The following KIF1B variants were observed in gnomAD, a reference collection of about 807,000 sequenced individuals.
KIF1B encodes kinesin family member 1B, also known as kinesin-like protein KIF1B.
KIF1B carries 76 observed loss-of-function variants against 241.9 expected under a neutral mutation model. The observed-to-expected ratio is 0.31, with a 90% CI of 0.26 to 0.38. KIF1B has a LOEUF of 0.38. Among genes scored for constraint, KIF1B ranks in the 10% least tolerant of loss-of-function variants. The pLI is 1.00. For synonymous variants in KIF1B, 750 were observed against 796.7 expected, an observed-to-expected ratio of 0.94 and a Z score of 0.99; for missense variants, 1,622 against 2,271.4, an observed-to-expected ratio of 0.71 and a Z score of 5.81.
chr1:10,351,073 C>CCA (rs1553169323), intron 37 of KIF1B, among the ~76,000 whole-genome samples: 102 of 104,646 alleles, frequency 9.7e-4, no homozygotes, highest in African/African-American at 3.3e-3. Context: ...AAGACCCTGT[C>CCA]AAAAAAAAAA....
At chr1:10,219,441 C>T (rs1646811181) in intron 1 of KIF1B, among the ~76,000 whole-genome samples, 1 of 150,882 alleles carries the variant, frequency 6.6e-6, no homozygotes, top group South Asian at 2.1e-4. Context: ...GCTTGGGCAA[C>T]AAGAGCAAAA....
intron 43 of KIF1B, among the ~76,000 whole-genome samples, chr1:10,367,306 G>A (rs1465582450): frequency 6.6e-6 from 1 of 151,460 alleles, no homozygotes; most frequent in African/African-American, 2.4e-5. Context: ...ATGTTGGCCA[G>A]GCTGGTCTTG....
intron 11 of KIF1B, 110 bp from the exon 12 acceptor site, chr1:10,276,211 A>G (rs950703363): frequency 2.9e-5 from 23 of 790,608 alleles, no homozygotes; most frequent in Admixed American, 1.3e-4. Flanking sequence ...AAGAAATTTG[A>G]CATTACATTA....
In KIF1B at chr1:10,343,717, C is replaced by T. The variant is rs183420215; in HGVS notation, c.3688+430C>T. On this transcript the variant is annotated intron_variant, in intron 34 of 48. Coordinates refer to ENST00000676179, the MANE Select transcript of KIF1B (RefSeq NM_001365951.3). ...AGGTTGCAGTGAGCTGAGATTGCAC[C>T]TTTGCACTCCAGCCTGGGCAACAAG... Among the ~76,000 whole-genome samples the T allele has an allele frequency of 2.0e-3, 302 of 152,188 alleles. 1 individual carries two copies. The highest frequency in any genetic ancestry group is 3.8e-3 in the Non-Finnish European group (259 of 68,002).
intron 1 of KIF1B, among the ~76,000 whole-genome samples, chr1:10,214,334 G>T (rs1184946273): frequency 6.6e-6 from 1 of 151,630 alleles, no homozygotes; most frequent in African/African-American, 2.4e-5. Context: ...CTGTCACCCA[G>T]GCTGGAGTGC....
chr1:10,291,941 C>A, intron 16 of KIF1B, 106 bp from the exon 17 acceptor site: 1 of 886,856 alleles, frequency 1.1e-6, no homozygotes, highest in Non-Finnish European at 1.9e-6. Context: ...TGGCTATAAA[C>A]ATGGCCAGTT....
chr1:10,219,495 G>A lies in KIF1B; in HGVS notation c.-80+8617G>A, dbSNP rs905049182. ...AAATAGGCCAGGCCTTATGGCTCAC[G>A]CCTGTAATCCCAGCACTTCGGGAGG... On this transcript the variant is annotated intron_variant, in intron 1 of 48. Transcript: ENST00000676179. Among the ~76,000 whole-genome samples, 3 of 151,710 alleles carry A rather than the reference G, an allele frequency of 2.0e-5. No individual in the cohort carries two copies. The South Asian group carries it at 6.2e-4, about 32-fold the overall frequency.
chr1:10,229,451 A>G (rs368081098), intron 1 of KIF1B, among the ~76,000 whole-genome samples: 2 of 152,166 alleles, frequency 1.3e-5, no homozygotes, highest in Non-Finnish European at 1.5e-5. Context: ...ACGAGACAGG[A>G]GATCTCTGAG....
At chr1:10,221,094 C>CTTTTTTTTTTTTTTTTTT in intron 1 of KIF1B, among the ~76,000 whole-genome samples, 1 of 94,262 alleles carries the variant, frequency 1.1e-5, no homozygotes, top group Non-Finnish European at 2.0e-5. Flanking sequence ...CAGAAAGAAG[C>CTTTTTTTTTTTTTTTTTT]TTTTTTTTTT....
chr1:10,352,770 A>G (rs1360731788), intron 38 of KIF1B, 34 bp downstream of exon 38: 2 of 1,492,040 alleles, frequency 1.3e-6, no homozygotes, highest in Non-Finnish European at 1.9e-6. Context: ...AGAAGTCCAC[A>G]CTTGCAGGCG....
chr1:10,258,067 T>A (rs1647904046), intron 3 of KIF1B, among the ~76,000 whole-genome samples: 2 of 152,234 alleles, frequency 1.3e-5, no homozygotes, highest in Admixed American at 1.3e-4. Flanking sequence ...TCCTGAAAGC[T>A]GTGTTTATTG....
intron 1 of KIF1B, among the ~76,000 whole-genome samples, chr1:10,229,277 G>T (rs1169835994): frequency 1.3e-5 from 2 of 152,026 alleles, no homozygotes; most frequent in African/African-American, 4.8e-5. Context: ...GTAGCAAATA[G>T]AAAAAGATTA....
At chr1:10,363,930 A>G (rs12403443) in intron 41 of KIF1B, among the ~76,000 whole-genome samples, 39,239 of 152,098 alleles carry the variant, frequency 0.26, 5,782 homozygotes, top group Admixed American at 0.32. Flanking sequence ...GCCCACAGGC[A>G]AGACTTAGAT....
At chr1:10,276,761 C>T (rs1649131891) in intron 12 of KIF1B, among the ~76,000 whole-genome samples, 1 of 152,100 alleles carries the variant, frequency 6.6e-6, no homozygotes, top group Non-Finnish European at 1.5e-5. Context: ...AAGTGTCCCC[C>T]TTCTTGTAGT....
intron 24 of KIF1B, 123 bp from the exon 25 acceptor site, chr1:10,323,761 G>T: frequency 1.3e-6 from 1 of 762,694 alleles, no homozygotes; most frequent in Non-Finnish European, 2.2e-6. Flanking sequence ...TCAGTAGAAA[G>T]TTAGTCACAA....
Position 10,321,698 on chromosome 1 carries a change from C to T in KIF1B, c.2210-11C>T. ...AGATTGCCATTAAATATGCATCATT[C>T]ATTCTTTCAGTTCCTTGGACACAGC... is the stretch of plus-strand genomic sequence containing the variant. On this transcript the variant is annotated splice_polypyrimidine_tract_variant and intron_variant, in intron 23 of 48. Coordinates refer to ENST00000676179, the MANE Select transcript of KIF1B (RefSeq NM_001365951.3). The T allele has an allele frequency of 6.2e-7, 1 of 1,613,606 alleles. No individual in the cohort carries two copies. The highest frequency in any genetic ancestry group is 8.5e-7 in the Non-Finnish European group (1 of 1,179,524).
chr1:10,341,995 T>G, intron 32 of KIF1B, 55 bp from the exon 33 acceptor site: 1 of 1,238,280 alleles, frequency 8.1e-7, no homozygotes, highest in Non-Finnish European at 1.2e-6. Flanking sequence ...AAGTTCTGAT[T>G]GAAGCAAAAA....
At chr1:10,232,760 C>G (rs375675267) in intron 2 of KIF1B, among the ~76,000 whole-genome samples, 1 of 152,078 alleles carries the variant, frequency 6.6e-6, no homozygotes, top group Non-Finnish European at 1.5e-5. Flanking sequence ...ATATACCTAT[C>G]GAGGCTGCAA....
chr1:10,284,622 T>C lies in KIF1B; in HGVS notation c.1434+2089T>C, dbSNP rs546476218. On this transcript the variant is annotated intron_variant, in intron 15 of 48. Transcript: ENST00000676179. Reference sequence around the variant, plus strand: ...ATCACTTGAACTTGGGAGGCGGAGGTTGCACAGCCTGGAGATTGCGCCATT... The same window carrying C: ...ATCACTTGAACTTGGGAGGCGGAGGCTGCACAGCCTGGAGATTGCGCCATT... Among the ~76,000 whole-genome samples, 11 of 152,092 alleles carry C rather than the reference T, an allele frequency of 7.2e-5. 1 individual carries two copies. The highest frequency in any genetic ancestry group is 2.7e-4 in the African/African-American group (11 of 41,494).
Sources: allele counts gnomAD v4.1 joint callset (sites outside exome capture counted in the v4.1 genomes callset), GRCh38; gene constraint gnomAD v4.1.1; transcripts MANE v1.5; gene names NCBI Gene and HGNC (gene_info 2026-07-23, HGNC 2026-07-21).